Variants in NEK6 observed in about 807,000 individuals in gnomAD.
The protein encoded by NEK6 is serine/threonine-protein kinase Nek6.
A neutral mutation model predicts 43.5 loss-of-function variants in NEK6; 27 were observed. The observed-to-expected ratio is 0.62, with a 90% CI of 0.46 to 0.86. The LOEUF is 0.86. Ranked by LOEUF, NEK6 falls within the 40% of genes least tolerant of loss-of-function variation. The probability of loss-of-function intolerance (pLI) is 0.00; values close to 1 mark genes in which losing one functional copy is unlikely to be tolerated. For synonymous variants in NEK6, 167 were observed against 164.1 expected (o/e 1.02, Z -0.14); for missense variants, 318 against 414.4 (o/e 0.77, Z 2.02).
intron 1 of NEK6, among the ~76,000 whole-genome samples, chr9:124,285,245 T>C (rs1221522710): frequency 6.6e-6 from 1 of 152,160 alleles, no homozygotes; most frequent in African/African-American, 2.4e-5. Context: ...GTCAGACTTT[T>C]CGGGAAGCCC....
At chr9:124,306,509 C>G (rs1833261789) in intron 2 of NEK6, among the ~76,000 whole-genome samples, 1 of 152,132 alleles carries the variant, frequency 6.6e-6, no homozygotes. Context: ...AGCCCAGTGC[C>G]TGGGACTCAT....
intron 9 of NEK6, among the ~76,000 whole-genome samples, chr9:124,349,082 G>A (rs1237367495): frequency 2.0e-5 from 3 of 152,342 alleles, no homozygotes; most frequent in South Asian, 2.1e-4. Flanking sequence ...GAGGCTCCTC[G>A]CAGGGCACCT....
chr9:124,287,878 T>C (rs1832232281), intron 1 of NEK6, among the ~76,000 whole-genome samples: 1 of 152,150 alleles, frequency 6.6e-6, no homozygotes, highest in African/African-American at 2.4e-5. Context: ...TCTGGAACCA[T>C]GAGCCCTGTG....
chr9:124,349,081 C>T (rs551153754), intron 9 of NEK6, among the ~76,000 whole-genome samples: 3 of 152,358 alleles, frequency 2.0e-5, no homozygotes, highest in East Asian at 3.9e-4. Flanking sequence ...GGAGGCTCCT[C>T]GCAGGGCACC....
intron 8 of NEK6, among the ~76,000 whole-genome samples, chr9:124,340,820 C>G (rs1829572144): frequency 1.3e-5 from 2 of 152,208 alleles, no homozygotes; most frequent in East Asian, 3.9e-4. Flanking sequence ...TTGCTCTGTC[C>G]CCTTGGGACT....
At chr9:124,262,652 T>G (rs1588430826) in intron 1 of NEK6, among the ~76,000 whole-genome samples, 2 of 151,882 alleles carry the variant, frequency 1.3e-5, no homozygotes, top group South Asian at 4.2e-4. Context: ...GCTGGGCGAG[T>G]GGGGGGGCCA....
At chr9:124,300,800 A>G (rs56260503) in intron 1 of NEK6, among the ~76,000 whole-genome samples, 25,318 of 151,980 alleles carry the variant, frequency 0.17, 2,446 homozygotes, top group African/African-American at 0.28. Context: ...ACCGCAGGGG[A>G]GGGGGCTCCA....
At chr9:124,350,047 T>C (rs1402994014) in intron 9 of NEK6, among the ~76,000 whole-genome samples, 1 of 152,162 alleles carries the variant, frequency 6.6e-6, no homozygotes, top group Non-Finnish European at 1.5e-5. Flanking sequence ...TCCCAGTCCC[T>C]GAGTGAGTGT....
At chr9:124,305,116 G>C (rs1014613612) in intron 2 of NEK6, among the ~76,000 whole-genome samples, 1 of 152,200 alleles carries the variant, frequency 6.6e-6, no homozygotes, top group African/African-American at 2.4e-5. Context: ...TTATATTTGG[G>C]TGCTCTTCCG....
intron 8 of NEK6, among the ~76,000 whole-genome samples, chr9:124,345,448 A>G (rs1015026466): frequency 1.3e-5 from 2 of 152,206 alleles, no homozygotes; most frequent in Non-Finnish European, 2.9e-5. Context: ...TGCTGACCCC[A>G]TTCAAAAGGC....
At position 124,335,017 on chromosome 9, in the gene NEK6, C is replaced by T. The variant is rs182642291; in HGVS notation, c.623-4554C>T. Among the ~76,000 whole-genome samples, 751 of 152,302 alleles carry T rather than the reference C, an allele frequency of 4.9e-3. 4 individuals are homozygous for T. The highest frequency in any genetic ancestry group is 8.2e-3 in the Non-Finnish European group (559 of 68,006). ...AGGGTTCAGTGTTAGCCAGACAGTGCACAGTGGTGTCTCTCACTGGGGACA... is the reference window on the plus strand; with the variant it reads ...AGGGTTCAGTGTTAGCCAGACAGTGTACAGTGGTGTCTCTCACTGGGGACA... On this transcript the variant is annotated intron_variant, in intron 7 of 9. Coordinates refer to ENST00000320246, the MANE Select transcript of NEK6 (RefSeq NM_014397.6).
chr9:124,320,941 T>TA (rs1020195240), intron 4 of NEK6, among the ~76,000 whole-genome samples: 4 of 151,878 alleles, frequency 2.6e-5, no homozygotes, highest in African/African-American at 7.3e-5. Flanking sequence ...AAAAATATTT[T>TA]AAAAAAAATG....
chr9:124,280,829 G>C (rs1423899161), intron 1 of NEK6, among the ~76,000 whole-genome samples: 1 of 152,112 alleles, frequency 6.6e-6, no homozygotes, highest in African/African-American at 2.4e-5. Flanking sequence ...GTCTTGCTCT[G>C]TTGCCCAGGC....
chr9:124,292,974 C>T, intron 1 of NEK6: 1 of 1,576,072 alleles, frequency 6.3e-7, no homozygotes, highest in Non-Finnish European at 8.6e-7. Flanking sequence ...GGAGGCAGCT[C>T]ATTTCCGGCA....
intron 2 of NEK6, among the ~76,000 whole-genome samples, chr9:124,307,700 A>G (rs963890423): frequency 5.9e-5 from 9 of 152,196 alleles, no homozygotes; most frequent in African/African-American, 1.9e-4. Flanking sequence ...GTTGCCCCAC[A>G]GCGCAGCCCT....
chr9:124,350,714 C>T lies in NEK6; in HGVS notation c.832-123C>T, dbSNP rs781605966. On this transcript the variant is annotated intron_variant, in intron 9 of 9. Transcript: ENST00000320246. ...GCTAAACACCGTTCTTCAGCTCTAA[C>T]GGGGACAACGGGACCATCTAGTTGC... is the stretch of plus-strand genomic sequence containing the variant. The T allele has an allele frequency of 1.6e-4, 119 of 732,270 alleles. 1 individual carries two copies. The highest frequency in any genetic ancestry group is 1.5e-3 in the South Asian group (98 of 67,484). 45.4% of individuals were successfully genotyped at this position (732,270 alleles called of 1,614,324 possible). A position where few individuals can be genotyped will look rare whatever the true frequency, so the allele number is the denominator to read the frequency against.
intron 1 of NEK6, among the ~76,000 whole-genome samples, chr9:124,280,555 G>A (rs1480613901): frequency 6.6e-6 from 1 of 152,224 alleles, no homozygotes; most frequent in Non-Finnish European, 1.5e-5. Context: ...CCAGCACTGG[G>A]TACCGTGGGG....
At chr9:124,271,227 C>T (rs563933647) in intron 1 of NEK6, among the ~76,000 whole-genome samples, 76 of 152,374 alleles carry the variant, frequency 5.0e-4, no homozygotes, top group African/African-American at 1.7e-3. Context: ...CCTCTGACTT[C>T]CGCTCCTTGA....
At chr9:124,259,176 A>T (rs994797598) in intron 1 of NEK6, 2 of 152,190 alleles carry the variant, frequency 1.3e-5, no homozygotes, top group Non-Finnish European at 2.9e-5. Context: ...CGTGCTCTCT[A>T]ACTGTTGAAA....
Sources: gnomAD v4.1 joint callset for allele counts (sites outside exome capture counted in the v4.1 genomes callset) on GRCh38, gnomAD v4.1.1 for gene constraint, MANE v1.5 for transcripts, NCBI Gene and HGNC (gene_info 2026-07-23, HGNC 2026-07-21) for gene names.